Variants in RBFOX1 observed in about 807,000 individuals in gnomAD.
RBFOX1 encodes RNA binding fox-1 homolog 1, also known as RNA binding protein fox-1 homolog 1.
RBFOX1 carries 8 observed loss-of-function variants against 57.7 expected under a neutral mutation model. The observed-to-expected ratio is 0.14, with a 90% CI of 0.08 to 0.25. The LOEUF is 0.25. Ranked by LOEUF, RBFOX1 falls within the 10% of genes least tolerant of loss-of-function variation. The pLI, the probability that RBFOX1 is intolerant of heterozygous loss-of-function variation, is 1.00. For synonymous variants in RBFOX1, 326 were observed against 222.4 expected (o/e 1.47, Z -4.15); for missense variants, 611 against 548.5 (o/e 1.11, Z -1.14).
intron 2 of RBFOX1, among the ~76,000 whole-genome samples, chr16:5,550,170 T>C (rs528497761): frequency 1.3e-5 from 2 of 152,184 alleles, no homozygotes; most frequent in Non-Finnish European, 2.9e-5. Context: ...CTGTGCAGTG[T>C]TGCGAGAGGG....
intron 1 of RBFOX1, among the ~76,000 whole-genome samples, chr16:6,240,080 G>T (rs771760760): frequency 2.0e-5 from 3 of 152,012 alleles, no homozygotes; most frequent in Admixed American, 6.6e-5. Context: ...AACGCATCTC[G>T]CTCTACTCCT....
chr16:7,405,310 A>C (rs538398973), intron 4 of RBFOX1, among the ~76,000 whole-genome samples: 3 of 152,338 alleles, frequency 2.0e-5, no homozygotes, highest in South Asian at 4.1e-4. Context: ...CCCCCGCTGC[A>C]AACCTTTGCC....
chr16:5,422,312 A>G (rs1009684995), intron 1 of RBFOX1, among the ~76,000 whole-genome samples: 17 of 132,706 alleles, frequency 1.3e-4, no homozygotes, highest in African/African-American at 4.3e-4. Flanking sequence ...AGGAGGGAAA[A>G]TGTAGCAAAG....
intron 4 of RBFOX1, among the ~76,000 whole-genome samples, chr16:5,873,110 A>C (rs1198042966): frequency 6.6e-6 from 1 of 152,210 alleles, no homozygotes; most frequent in African/African-American, 2.4e-5. Flanking sequence ...CTATCATGCC[A>C]CTGCATAGTC....
chr16:6,384,060 C>CTTTTTT (rs5815305), intron 2 of RBFOX1, among the ~76,000 whole-genome samples: 2 of 126,642 alleles, frequency 1.6e-5, no homozygotes, highest in East Asian at 2.3e-4. Context: ...ATTGGTTTTG[C>CTTTTTT]TTTTTTTTTT....
intron 4 of RBFOX1, among the ~76,000 whole-genome samples, chr16:7,159,069 C>T (rs910124192): frequency 1.3e-5 from 2 of 151,958 alleles, no homozygotes; most frequent in Admixed American, 6.6e-5. Context: ...TTCTTCACTT[C>T]TGAAGTTCTA....
intron 3 of RBFOX1, among the ~76,000 whole-genome samples, chr16:6,843,353 A>C (rs2093591528): frequency 6.6e-6 from 1 of 152,126 alleles, no homozygotes; most frequent in East Asian, 1.9e-4. Flanking sequence ...GAGGAAAAAA[A>C]AAAATTCCTT....
At chr16:6,735,619 A>C (rs1411988794) in intron 3 of RBFOX1, among the ~76,000 whole-genome samples, 1 of 152,188 alleles carries the variant, frequency 6.6e-6, no homozygotes, top group East Asian at 1.9e-4. Flanking sequence ...TTGAAACAGA[A>C]GTTGTGTAAC....
chr16:5,815,156 A>ATTTTTTTTTTTTTTTT (rs71142650), intron 3 of RBFOX1, among the ~76,000 whole-genome samples: 1 of 114,222 alleles, frequency 8.8e-6, no homozygotes, highest in Non-Finnish European at 1.7e-5. Context: ...ATTTAATTTA[A>ATTTTTTTTTTTTTTTT]TTTTTTTTTT....
At chr16:6,831,417 C>T (rs761611008) in intron 3 of RBFOX1, among the ~76,000 whole-genome samples, 5 of 152,190 alleles carry the variant, frequency 3.3e-5, no homozygotes, top group Non-Finnish European at 7.3e-5. Context: ...AACAGGAATA[C>T]TCTGAAACAT....
chr16:6,901,696 A>G (rs2068538178), intron 3 of RBFOX1, among the ~76,000 whole-genome samples: 1 of 152,228 alleles, frequency 6.6e-6, no homozygotes, highest in African/African-American at 2.4e-5. Flanking sequence ...TTCTGCAGAG[A>G]TAATTTGTTA....
At chr16:7,002,584 C>A (rs1207075888) in intron 3 of RBFOX1, among the ~76,000 whole-genome samples, 1 of 152,006 alleles carries the variant, frequency 6.6e-6, no homozygotes. Flanking sequence ...TGGTGGCATG[C>A]ACATGTCATC....
chr16:6,544,886 A>G (rs1453212107), intron 2 of RBFOX1, among the ~76,000 whole-genome samples: 2 of 152,202 alleles, frequency 1.3e-5, no homozygotes, highest in Non-Finnish European at 1.5e-5. Flanking sequence ...TTTGCCCAGT[A>G]CCATTGTTTG....
Position 5,991,035 on chromosome 16 carries a change from AT to A in RBFOX1, c.351+123701del, listed in dbSNP as rs566428103. 2.8e-3 allele frequency among the ~76,000 whole-genome samples: 423 copies of A among 152,304 alleles called. 3 individuals are homozygous for A. The highest frequency in any genetic ancestry group is 9.8e-3 in the African/African-American group (409 of 41,578). On this transcript the variant is annotated intron_variant, in intron 4 of 19. Transcript: ENST00000641259. ...TCAAGGTTCTCATGAAATAAAAAAAATGTTTTAATGGAAAATTCTTGTGAAA... is the reference window on the plus strand; with the variant it reads ...TCAAGGTTCTCATGAAATAAAAAAAAGTTTTAATGGAAAATTCTTGTGAAA...
chr16:7,418,068 C>T (rs183314524), intron 4 of RBFOX1, among the ~76,000 whole-genome samples: 93 of 152,270 alleles, frequency 6.1e-4, no homozygotes, highest in African/African-American at 2.1e-3. Flanking sequence ...GGCCAAGACA[C>T]TCCCTGTCAC....
chr16:6,612,451 A>G (rs1167628041), intron 2 of RBFOX1, among the ~76,000 whole-genome samples: 2 of 152,152 alleles, frequency 1.3e-5, no homozygotes, highest in African/African-American at 2.4e-5. Flanking sequence ...ATATTGACTT[A>G]TTTAAGTTTC....
At chr16:6,999,212 A>ATT (rs1254312494) in intron 3 of RBFOX1, among the ~76,000 whole-genome samples, 1 of 117,692 alleles carries the variant, frequency 8.5e-6, no homozygotes, top group Non-Finnish European at 1.9e-5. Flanking sequence ...TTTTATTTTT[A>ATT]TTTATTTTTT....
chr16:6,439,300 C>T (rs1007986925), intron 2 of RBFOX1, among the ~76,000 whole-genome samples: 3 of 152,186 alleles, frequency 2.0e-5, no homozygotes, highest in Non-Finnish European at 2.9e-5. Flanking sequence ...AATCAAACAC[C>T]ATCCACCCAT....
intron 4 of RBFOX1, among the ~76,000 whole-genome samples, chr16:5,908,227 CACAT>C (rs1169109628): frequency 2.1e-5 from 3 of 144,340 alleles, no homozygotes; most frequent in Admixed American, 1.4e-4. Flanking sequence ...CATATATACA[CACAT>C]ATATATACAT....
Sources: gnomAD v4.1 joint callset for allele counts (sites outside exome capture counted in the v4.1 genomes callset) on GRCh38, gnomAD v4.1.1 for gene constraint, MANE v1.5 for transcripts, NCBI Gene and HGNC (gene_info 2026-07-23, HGNC 2026-07-21) for gene names.